AEBP2: variants seen among roughly 807,000 people sequenced by gnomAD.
AEBP2 encodes the protein zinc finger protein AEBP2.
In AEBP2, 10 loss-of-function variants were observed where a neutral mutation model predicts 50.8. The observed-to-expected ratio is 0.20, with a 90% CI of 0.12 to 0.33. AEBP2 has a LOEUF of 0.33. Ranked by LOEUF, AEBP2 falls within the 10% of genes least tolerant of loss-of-function variation. The pLI is 1.00. For synonymous variants in AEBP2, 296 were observed against 261.3 expected (o/e 1.13, Z -1.28); for missense variants, 570 against 688.0 (o/e 0.83, Z 1.92).
chr12:19,483,342 T>C (rs1004276933), intron 3 of AEBP2, among the ~76,000 whole-genome samples: 3 of 152,180 alleles, frequency 2.0e-5, no homozygotes, highest in African/African-American at 7.2e-5. Flanking sequence ...CCGTCTCGTC[T>C]CCCATGATCT....
chr12:19,515,998 T>C (rs1949312007), intron 7 of AEBP2, among the ~76,000 whole-genome samples: 1 of 152,092 alleles, frequency 6.6e-6, no homozygotes, highest in South Asian at 2.1e-4. Flanking sequence ...GGTAGGAGGA[T>C]TGCTTCAGCC....
intron 5 of AEBP2, among the ~76,000 whole-genome samples, chr12:19,505,781 GTTTT>G (rs756058646): frequency 1.3e-5 from 2 of 151,686 alleles, no homozygotes; most frequent in African/African-American, 4.8e-5. Context: ...TTGTTTGTTT[GTTTT>G]GTTTTTTTGA....
chr12:19,503,909 G>A (rs1015306605), intron 5 of AEBP2, among the ~76,000 whole-genome samples: 2 of 151,916 alleles, frequency 1.3e-5, no homozygotes, highest in African/African-American at 4.8e-5. Context: ...ATGGCTCACT[G>A]TAGCCTCAAT....
chr12:19,479,717 G>GGTTTTTTT (rs1948697902), intron 3 of AEBP2, among the ~76,000 whole-genome samples: 1 of 22,314 alleles, frequency 4.5e-5, no homozygotes, highest in East Asian at 9.0e-4. Context: ...CTCTTTGTGG[G>GGTTTTTTT]TTTTTTTTTT....
chr12:19,432,103 A>G (rs2153365256), intron 1 of AEBP2, among the ~76,000 whole-genome samples: 1 of 152,242 alleles, frequency 6.6e-6, no homozygotes, highest in East Asian at 1.9e-4. Flanking sequence ...TGCTTCCTGG[A>G]ACAGAACTCA....
intron 6 of AEBP2, among the ~76,000 whole-genome samples, chr12:19,513,571 C>T (rs767770990): frequency 2.2e-4 from 34 of 151,992 alleles, no homozygotes; most frequent in Non-Finnish European, 4.6e-4. Flanking sequence ...TCAGCCTGGG[C>T]AGTATAGTGA....
At chr12:19,511,626 G>A (rs1949233582) in intron 5 of AEBP2, among the ~76,000 whole-genome samples, 1 of 152,176 alleles carries the variant, frequency 6.6e-6, no homozygotes, top group African/African-American at 2.4e-5. Context: ...CAGAAGAATG[G>A]AGACCTGAAC....
At chr12:19,506,843 G>T (rs1004463793) in intron 5 of AEBP2, among the ~76,000 whole-genome samples, 2 of 152,180 alleles carry the variant, frequency 1.3e-5, no homozygotes, top group Non-Finnish European at 2.9e-5. Context: ...AAGAATTATG[G>T]ATGGATGAGA....
At chr12:19,456,290 A>G (rs1479072026) in intron 1 of AEBP2, 1 of 1,526,412 alleles carries the variant, frequency 6.6e-7, no homozygotes, top group Non-Finnish European at 9.0e-7. Context: ...TGACCTTGCC[A>G]GCTCCAGCAG....
chr12:19,428,441 C>T (rs1433269964), intron 1 of AEBP2, among the ~76,000 whole-genome samples: 1 of 152,126 alleles, frequency 6.6e-6, no homozygotes, highest in Admixed American at 6.6e-5. Flanking sequence ...TGTCCCAGCC[C>T]ATGAACAGGA....
chr12:19,474,625 A>G (rs10841236), intron 3 of AEBP2, among the ~76,000 whole-genome samples: 18,758 of 152,216 alleles, frequency 0.12, 1,316 homozygotes, highest in South Asian at 0.22. Context: ...TAAATTAAAT[A>G]CTGTCTGTGC....
At chr12:19,471,769 C>T (rs1035789089) in intron 2 of AEBP2, among the ~76,000 whole-genome samples, 3 of 151,924 alleles carry the variant, frequency 2.0e-5, no homozygotes, top group South Asian at 2.1e-4. Context: ...GAGCTCAAGC[C>T]GTCCCCCTAC....
intron 4 of AEBP2, among the ~76,000 whole-genome samples, chr12:19,495,225 A>G (rs1948957887): frequency 1.3e-5 from 2 of 152,292 alleles, no homozygotes; most frequent in South Asian, 2.1e-4. Context: ...TTAACTACAT[A>G]TCCTCAATGA....
chr12:19,467,504 G>A (rs1948498248), intron 2 of AEBP2, among the ~76,000 whole-genome samples: 1 of 151,838 alleles, frequency 6.6e-6, no homozygotes, highest in African/African-American at 2.4e-5. Context: ...ATGTTGGCCC[G>A]CCTAGTCTCG....
chr12:19,497,528 A>G (rs762011876), intron 4 of AEBP2, among the ~76,000 whole-genome samples: 20 of 152,038 alleles, frequency 1.3e-4, no homozygotes, highest in Non-Finnish European at 2.4e-4. Flanking sequence ...GCTGGAGTGC[A>G]GTGGTGCAAT....
chr12:19,408,902 CAAATAAATAAAT>C (rs35571401), intron 1 of AEBP2, among the ~76,000 whole-genome samples: 2 of 149,572 alleles, frequency 1.3e-5, no homozygotes, highest in African/African-American at 4.9e-5. Flanking sequence ...GACTCTGTCT[CAAATAAATAAAT>C]AAATAAATAA....
chr12:19,426,953 T>C (rs117560831), intron 1 of AEBP2, among the ~76,000 whole-genome samples: 3,403 of 152,246 alleles, frequency 0.022, 48 homozygotes, highest in East Asian at 0.043. Flanking sequence ...AGGACGTTTC[T>C]GGAAGAGATT....
intron 3 of AEBP2, among the ~76,000 whole-genome samples, chr12:19,489,759 T>G (rs969867147): frequency 6.6e-6 from 1 of 152,184 alleles, no homozygotes; most frequent in Non-Finnish European, 1.5e-5. Flanking sequence ...AGTTGATGCC[T>G]AAAATTATTT....
intron 7 of AEBP2, among the ~76,000 whole-genome samples, chr12:19,517,849 T>G (rs906829018): frequency 6.6e-6 from 1 of 152,232 alleles, no homozygotes; most frequent in Non-Finnish European, 1.5e-5. Flanking sequence ...ATATATGTAT[T>G]ACACATGGAA....
Sources: allele counts gnomAD v4.1 joint callset (sites outside exome capture counted in the v4.1 genomes callset), GRCh38; gene constraint gnomAD v4.1.1; transcripts MANE v1.5; gene names NCBI Gene and HGNC (gene_info 2026-07-23, HGNC 2026-07-21).